The following MIS18BP1 variants were observed in gnomAD, a reference collection of about 807,000 sequenced individuals.
The protein encoded by MIS18BP1 is MIS18 binding protein 1, also known as mis18-binding protein 1.
MIS18BP1 carries 72 observed loss-of-function variants against 116.1 expected under a neutral mutation model. The ratio of observed to expected loss-of-function variants is 0.62; its 90% CI spans 0.51 to 0.75. MIS18BP1 has a LOEUF of 0.75. MIS18BP1 is among the 30% of genes least tolerant of loss of function. The probability of loss-of-function intolerance (pLI) is 0.00; values close to 1 mark genes in which losing one functional copy is unlikely to be tolerated. For synonymous variants in MIS18BP1, 386 were observed against 427.0 expected (o/e 0.90, Z 1.18); for missense variants, 1,363 against 1,303.2 (o/e 1.05, Z -0.71).
chr14:45,250,243 C>CT (rs928464317), intron 1 of MIS18BP1: 2 of 152,132 alleles, frequency 1.3e-5, no homozygotes, highest in African/African-American at 4.8e-5. Flanking sequence ...TCTAGGAGAC[C>CT]TTTTTCCCAC....
chr14:45,243,669 A>G lies in MIS18BP1; in HGVS notation c.545-795T>C, dbSNP rs146772048. Among the ~76,000 whole-genome samples, 999 of 152,234 alleles carry G rather than the reference A, an allele frequency of 6.6e-3. 8 individuals carry two copies. Among genetic ancestry groups the G allele is most frequent in the African/African-American group, 0.023 (951 of 41,548 alleles). On this transcript the variant is annotated intron_variant, in intron 2 of 16. Transcript: ENST00000310806. ...TGGTCTCAGAAATCTTAAGATAAAG[A>G]TTTCATTATAACAACGTGTCACAAA...
intron 12 of MIS18BP1, among the ~76,000 whole-genome samples, chr14:45,217,976 T>C (rs1214908027): frequency 6.6e-6 from 1 of 152,212 alleles, no homozygotes; most frequent in African/African-American, 2.4e-5. Context: ...CATAAATTAC[T>C]TGGGGATCTG....
At chr14:45,243,540 TAG>T (rs200488570) in intron 2 of MIS18BP1, among the ~76,000 whole-genome samples, 1,580 of 152,254 alleles carry the variant, frequency 0.01, 35 homozygotes, top group African/African-American at 0.036. Flanking sequence ...GGGATGATAA[TAG>T]ACTTAAAATT....
At position 45,227,701 on chromosome 14, in the gene MIS18BP1, T is replaced by C. The variant is rs1891162822; in HGVS notation, c.1708A>G (p.Thr570Ala). 3.7e-6 allele frequency: 6 copies of C among 1,613,702 alleles called. No individual in the cohort carries two copies. In the African/African-American group the frequency reaches 5.3e-5, roughly 14 times the overall value. Residue 570 changes from threonine (T) to alanine (A), a missense_variant, in exon 9 of 17, where the codon ACT (threonine) becomes GCT (alanine). Physicochemically the swap from Thr to Ala is moderately conservative, Grantham distance 58. Coordinates refer to ENST00000310806, the MANE Select transcript of MIS18BP1 (RefSeq NM_018353.5). ...TCATCTCCTCCTCCATTTTGAATAG[T>C]ATTATTTACTTGGTCATCTGGGAAC... ...LRFPDDQVNNTIQNGGGDDLS... is the reference protein window; with the variant it reads ...LRFPDDQVNNAIQNGGGDDLS...
At chr14:45,252,889 G>C (rs552829405) in intron 1 of MIS18BP1, 146 bp downstream of exon 1, 2 of 152,294 alleles carry the variant, frequency 1.3e-5, no homozygotes, top group East Asian at 3.9e-4. Context: ...TAAACATCGA[G>C]TGCGAAGTAT....
chr14:45,224,376 G>T lies in MIS18BP1; in HGVS notation c.2211C>A (p.Leu737=). Residue 737 remains leucine (L), a synonymous_variant, in exon 11 of 17, where the codon CTC becomes CTA. Coordinates refer to ENST00000310806, the MANE Select transcript of MIS18BP1 (RefSeq NM_018353.5). ...TGGTATTTTTCTTAAAGTCAGAGGT[G>T]AGCATTTGTTCCTTTTCAAGGTTAG... ...KISNLEKEQM[L]TSDFKKNTRL... 1 of 1,613,444 alleles carries T rather than the reference G, an allele frequency of 6.2e-7. No individual in the cohort carries two copies. The highest frequency in any genetic ancestry group is 8.5e-7 in the Non-Finnish European group (1 of 1,179,820).
At chr14:45,226,920 C>G in intron 9 of MIS18BP1, 84 bp from the exon 10 acceptor site, 3 of 1,114,662 alleles carry the variant, frequency 2.7e-6, no homozygotes, top group East Asian at 3.7e-5. Flanking sequence ...ATGCATCAAG[C>G]ATACAAATTT....
intron 4 of MIS18BP1, 101 bp from the exon 5 acceptor site, chr14:45,237,822 C>A: frequency 7.0e-7 from 1 of 1,423,006 alleles, no homozygotes. Context: ...CTAAGTAATC[C>A]AAATATTCCT....
chr14:45,229,249 T>C (rs1891210181), intron 8 of MIS18BP1, among the ~76,000 whole-genome samples: 1 of 152,150 alleles, frequency 6.6e-6, no homozygotes, highest in Non-Finnish European at 1.5e-5. Context: ...TTCATGTCTA[T>C]AATCCCAGCA....
intron 13 of MIS18BP1, among the ~76,000 whole-genome samples, chr14:45,212,786 T>C (rs1890710679): frequency 6.6e-6 from 1 of 152,202 alleles, no homozygotes; most frequent in African/African-American, 2.4e-5. Context: ...TCCCAAGTGC[T>C]AGCACGCCAC....
chr14:45,231,764 G>A (rs899093104), intron 7 of MIS18BP1, among the ~76,000 whole-genome samples: 1 of 152,066 alleles, frequency 6.6e-6, no homozygotes, highest in Admixed American at 6.6e-5. Flanking sequence ...GAAAAAAACT[G>A]CCAGCCCCCG....
chr14:45,238,748 TTGGGA>T (rs1466525707), intron 4 of MIS18BP1, among the ~76,000 whole-genome samples: 1 of 152,096 alleles, frequency 6.6e-6, no homozygotes, highest in Non-Finnish European at 1.5e-5. Context: ...TCACTTGAGC[TTGGGA>T]GGTCGAGGCT....
Position 45,203,758 on chromosome 14 carries a change from TCTTA to T in MIS18BP1, c.*347_*350del, listed in dbSNP as rs1873333373. The T allele has an allele frequency of 6.5e-6, 1 of 153,278 alleles. No individual in the cohort carries two copies. The highest frequency in any genetic ancestry group is 2.5e-5 in the African/African-American group (1 of 40,054). The allele number at this position is 153,278 out of a possible 1,614,324, so 9.5% of individuals were successfully genotyped here. A position where few individuals can be genotyped will look rare whatever the true frequency, so the allele number is the denominator to read the frequency against. ...AACCTCTGTCATCCTTCTCACCTTC[TCTTA>T]CTTAAATGGTAGCAAAATTTTCTTG... On this transcript the variant is annotated 3_prime_UTR_variant, in exon 17 of 17. Coordinates refer to ENST00000310806, the MANE Select transcript of MIS18BP1 (RefSeq NM_018353.5).
intron 15 of MIS18BP1, 27 bp downstream of exon 15, chr14:45,206,056 A>G (rs746824090): frequency 2.8e-6 from 4 of 1,416,978 alleles, no homozygotes; most frequent in Non-Finnish European, 4.0e-6. Flanking sequence ...TTTCATAGAT[A>G]TGTATTGGAT....
At chr14:45,218,160 A>T in intron 12 of MIS18BP1, 122 bp downstream of exon 12, 1 of 1,089,280 alleles carries the variant, frequency 9.2e-7, no homozygotes, top group Non-Finnish European at 1.3e-6. Context: ...AATTCTCTCT[A>T]GCTTTAAAAT....
intron 12 of MIS18BP1, 112 bp from the exon 13 acceptor site, chr14:45,217,291 CA>C: frequency 2.3e-6 from 3 of 1,280,778 alleles, no homozygotes; most frequent in East Asian, 4.7e-5. Context: ...AAAAAAAAAC[CA>C]AAAAACTCAG....
At chr14:45,207,546 G>A (rs1890551554) in intron 14 of MIS18BP1, among the ~76,000 whole-genome samples, 1 of 152,150 alleles carries the variant, frequency 6.6e-6, no homozygotes, top group South Asian at 2.1e-4. Context: ...TGCTACTTGG[G>A]AGGCTGAGGC....
chr14:45,216,957 A>G lies in MIS18BP1; in HGVS notation c.3003+62T>C, dbSNP rs937675870. On this transcript the variant is annotated intron_variant, in intron 13 of 16. Coordinates refer to ENST00000310806, the MANE Select transcript of MIS18BP1 (RefSeq NM_018353.5). ...ATATTAGTGATGAACACTACCATAC[A>G]TAAAAATGAAAGATACAAAAGTCAA... 4.5e-6 allele frequency: 7 copies of G among 1,544,340 alleles called. No homozygotes were observed. The African/African-American group carries it at 6.9e-5, about 15-fold the overall frequency.
rs189428439 is a variant in MIS18BP1 at position 45,235,122 on chromosome 14, G to A, written c.1348+692C>T. On this transcript the variant is annotated intron_variant, in intron 6 of 16. Transcript: ENST00000310806. The stretch of plus-strand genomic sequence containing the variant: ...TCGGGAGGCTGAGGCATGAATAATC[G>A]CTTGAACTTAGGAGGTGGAGGTTGC... Among the ~76,000 whole-genome samples, 288 of 150,948 alleles carry A rather than the reference G, an allele frequency of 1.9e-3. 1 individual carries two copies. Among genetic ancestry groups the A allele is most frequent in the South Asian group, 5.2e-3 (25 of 4,764 alleles).
Sources: gnomAD v4.1 joint callset for allele counts (sites outside exome capture counted in the v4.1 genomes callset) on GRCh38, gnomAD v4.1.1 for gene constraint, MANE v1.5 for transcripts, NCBI Gene and HGNC (gene_info 2026-07-23, HGNC 2026-07-21) for gene names.